Variants in EHBP1 observed in about 807,000 individuals in gnomAD.
EHBP1 encodes the protein EH domain-binding protein 1.
Under a neutral mutation model 144.0 loss-of-function variants are expected in EHBP1, and 55 were observed. The observed-to-expected ratio is 0.38, with a 90% CI of 0.31 to 0.48. The LOEUF is 0.48. Among genes scored for constraint, EHBP1 ranks in the 20% least tolerant of loss-of-function variants. The probability of loss-of-function intolerance (pLI) is 0.98; values close to 1 mark genes in which losing one functional copy is unlikely to be tolerated. For missense variants in EHBP1, 1,200 were observed against 1,364.2 expected, an observed-to-expected ratio of 0.88 and a Z score of 1.90; for synonymous variants, 469 against 472.7, an observed-to-expected ratio of 0.99 and a Z score of 0.10.
At chr2:62,947,593 A>G (rs1359152284) in intron 12 of EHBP1, among the ~76,000 whole-genome samples, 1 of 152,200 alleles carries the variant, frequency 6.6e-6, no homozygotes, top group Middle Eastern at 3.2e-3. Context: ...GTAAATTGAG[A>G]AACAGCTTAG....
chr2:62,854,775 G>A (rs2048917923), intron 7 of EHBP1, among the ~76,000 whole-genome samples: 1 of 152,174 alleles, frequency 6.6e-6, no homozygotes, highest in South Asian at 2.1e-4. Flanking sequence ...GCCGTCTGGA[G>A]TGGTGGCTGT....
chr2:62,729,562 T>A, intron 2 of EHBP1, among the ~76,000 whole-genome samples: 2 of 122,066 alleles, frequency 1.6e-5, no homozygotes, highest in Admixed American at 1.0e-4. Context: ...TAATATATAA[T>A]ATAATATAAT....
At chr2:62,778,209 T>A (rs1460134652) in intron 5 of EHBP1, among the ~76,000 whole-genome samples, 1 of 152,136 alleles carries the variant, frequency 6.6e-6, no homozygotes, top group Admixed American at 6.6e-5. Flanking sequence ...GGAAGACTTT[T>A]AAGTGAATGG....
At chr2:62,863,370 G>T (rs1443008160) in intron 8 of EHBP1, among the ~76,000 whole-genome samples, 2 of 151,768 alleles carry the variant, frequency 1.3e-5, no homozygotes, top group African/African-American at 4.8e-5. Context: ...GAGGCAGGTG[G>T]ATCATTGAGG....
In EHBP1 at chr2:62,948,534, A is replaced by T. The variant is rs374741488; in HGVS notation, c.1688A>T (p.Gln563Leu). Residue 563 changes from glutamine (Q) to leucine (L), a missense_variant, in exon 13 of 23, where the codon CAA becomes CTA. By Grantham distance (113) the Gln-to-Leu change is moderately radical (BLOSUM62 -2). This residue lies in a region of EHBP1 where 543 missense variants were observed against 513.1 expected (regional missense o/e 1.06). Transcript: ENST00000431489. ...LSDLKREPEL[Q>L]QPISGAVDFL... ...GATCTGAAGCGGGAGCCTGAACTAC[A>T]ACAGCCTATCAGCGGAGCAGTAGAC... is the stretch of plus-strand genomic sequence containing the variant. The T allele has an allele frequency of 1.2e-6, 2 of 1,614,156 alleles. No individual in the cohort carries two copies. Among genetic ancestry groups the T allele is most frequent in the South Asian group, 2.2e-5 (2 of 91,086 alleles).
intron 10 of EHBP1, among the ~76,000 whole-genome samples, chr2:62,939,649 T>C (rs1311975375): frequency 6.6e-6 from 1 of 151,414 alleles, no homozygotes; most frequent in Non-Finnish European, 1.5e-5. Context: ...TGCAGATATC[T>C]GAGAGAGTAC....
intron 3 of EHBP1, among the ~76,000 whole-genome samples, chr2:62,758,913 G>A (rs1365364054): frequency 6.6e-6 from 1 of 152,080 alleles, no homozygotes; most frequent in African/African-American, 2.4e-5. Flanking sequence ...TTTAAAAATT[G>A]AAAATTGTCA....
chr2:62,772,764 T>C (rs571594025), intron 5 of EHBP1, among the ~76,000 whole-genome samples: 2 of 152,368 alleles, frequency 1.3e-5, no homozygotes, highest in African/African-American at 4.8e-5. Context: ...AGTTCTAAAA[T>C]GTCTTTATAA....
chr2:62,996,909 C>T (rs2059652887), intron 19 of EHBP1, 143 bp downstream of exon 19: 8 of 1,171,866 alleles, frequency 6.8e-6, no homozygotes, highest in African/African-American at 3.1e-5. Context: ...TTTGCAGCCA[C>T]CTCTCTGGGC....
At chr2:62,682,764 G>T (rs2033574900) in intron 1 of EHBP1, among the ~76,000 whole-genome samples, 1 of 152,136 alleles carries the variant, frequency 6.6e-6, no homozygotes, top group Non-Finnish European at 1.5e-5. Context: ...ACAAAACATT[G>T]CTGGATTTTG....
intron 5 of EHBP1, among the ~76,000 whole-genome samples, chr2:62,775,256 C>G (rs2041978937): frequency 6.6e-6 from 1 of 152,046 alleles, no homozygotes; most frequent in African/African-American, 2.4e-5. Context: ...GTTATAGCTC[C>G]CCTCAGTGGT....
intron 3 of EHBP1, among the ~76,000 whole-genome samples, chr2:62,762,699 G>A (rs2040857764): frequency 6.6e-6 from 1 of 152,048 alleles, no homozygotes; most frequent in Non-Finnish European, 1.5e-5. Context: ...TGGCTCCTTT[G>A]TACCACTTTT....
intron 10 of EHBP1, among the ~76,000 whole-genome samples, chr2:62,890,507 A>C (rs1242098418): frequency 6.6e-6 from 1 of 152,110 alleles, no homozygotes; most frequent in Non-Finnish European, 1.5e-5. Flanking sequence ...GTGATTGTGA[A>C]TGGGAGTTGG....
chr2:62,926,688 A>G (rs562424777), intron 10 of EHBP1, among the ~76,000 whole-genome samples: 3 of 152,200 alleles, frequency 2.0e-5, no homozygotes, highest in African/African-American at 7.2e-5. Context: ...AACAACAAAA[A>G]AACAAATGCT....
intron 1 of EHBP1, among the ~76,000 whole-genome samples, chr2:62,698,014 T>C (rs1174487600): frequency 6.6e-6 from 1 of 152,222 alleles, no homozygotes; most frequent in East Asian, 1.9e-4. Flanking sequence ...GGTCTTTTTA[T>C]CACTGACAAG....
chr2:62,776,311 C>A (rs553797202), intron 5 of EHBP1, among the ~76,000 whole-genome samples: 2 of 152,220 alleles, frequency 1.3e-5, no homozygotes, highest in South Asian at 4.1e-4. Flanking sequence ...GGCTATGCAA[C>A]CTTAGATAAG....
chr2:62,960,295 C>T (rs536274547), intron 14 of EHBP1, among the ~76,000 whole-genome samples: 22 of 152,024 alleles, frequency 1.4e-4, no homozygotes, highest in Non-Finnish European at 1.2e-4. Flanking sequence ...ATTCTACAGT[C>T]CAGTTATAAG....
At chr2:63,030,941 A>G (rs1425755540) in intron 19 of EHBP1, among the ~76,000 whole-genome samples, 1 of 150,872 alleles carries the variant, frequency 6.6e-6, no homozygotes, top group Non-Finnish European at 1.5e-5. Flanking sequence ...GATCACAGGC[A>G]TGCGCCACCA....
intron 10 of EHBP1, among the ~76,000 whole-genome samples, chr2:62,889,137 C>G (rs918447237): frequency 2.3e-5 from 3 of 132,138 alleles, no homozygotes; most frequent in African/African-American, 8.4e-5. Flanking sequence ...AATCTCAGCT[C>G]ACTGCAACCT....
Sources: allele counts gnomAD v4.1 joint callset (sites outside exome capture counted in the v4.1 genomes callset), GRCh38; gene constraint gnomAD v4.1.1; regional missense constraint gnomAD v4.1.1; transcripts MANE v1.5; gene names NCBI Gene and HGNC (gene_info 2026-07-23, HGNC 2026-07-21).